The following EYS variants were observed in gnomAD, a reference collection of about 807,000 sequenced individuals.
EYS encodes the protein protein eyes shut homolog.
EYS carries 250 observed loss-of-function variants against 282.1 expected under a neutral mutation model. The ratio of observed to expected loss-of-function variants is 0.89; its 90% CI spans 0.80 to 0.98. The LOEUF is 0.98. Among genes scored for constraint, EYS ranks in the 50% least tolerant of loss-of-function variants. EYS has a pLI of 0.00. For synonymous variants in EYS, 1,355 were observed against 1,282.9 expected (o/e 1.06, Z -1.20); for missense variants, 4,016 against 3,709.0 (o/e 1.08, Z -2.15).
At chr6:64,219,676 C>T (rs1038065323) in intron 31 of EYS, among the ~76,000 whole-genome samples, 4 of 152,174 alleles carry the variant, frequency 2.6e-5, no homozygotes, top group African/African-American at 4.8e-5. Flanking sequence ...CCTATTTCTC[C>T]ATATCCTCTC....
intron 22 of EYS, among the ~76,000 whole-genome samples, chr6:64,759,012 G>A (rs949500796): frequency 6.6e-6 from 1 of 152,082 alleles, no homozygotes; most frequent in Non-Finnish European, 1.5e-5. Flanking sequence ...GATGGCGGGC[G>A]CCTGTAGTCC....
chr6:64,513,965 A>C (rs1284235298), intron 26 of EYS, among the ~76,000 whole-genome samples: 3 of 151,862 alleles, frequency 2.0e-5, no homozygotes, highest in African/African-American at 7.2e-5. Context: ...TCTTACAAGA[A>C]AGTGTAGCAT....
chr6:65,369,233 T>TAC (rs1181473446), intron 8 of EYS, among the ~76,000 whole-genome samples: 28 of 146,020 alleles, frequency 1.9e-4, no homozygotes, highest in African/African-American at 5.2e-4. Context: ...TATATATATA[T>TAC]ATACACATTT....
chr6:65,077,402 G>A (rs1004427464), intron 12 of EYS, among the ~76,000 whole-genome samples: 3 of 152,066 alleles, frequency 2.0e-5, no homozygotes, highest in Non-Finnish European at 4.4e-5. Context: ...TTAACACTAT[G>A]ATTCAATAAG....
intron 22 of EYS, among the ~76,000 whole-genome samples, chr6:64,794,634 T>C (rs1774298583): frequency 6.6e-6 from 1 of 152,222 alleles, no homozygotes; most frequent in South Asian, 2.1e-4. Flanking sequence ...GTCTTCATAG[T>C]AGTATGAGAA....
intron 24 of EYS, among the ~76,000 whole-genome samples, chr6:64,593,633 T>TA (rs369866512): frequency 6.6e-6 from 1 of 152,102 alleles, no homozygotes; most frequent in South Asian, 2.1e-4. Flanking sequence ...AATGTGGATA[T>TA]AAAAAAGAAG....
intron 15 of EYS, among the ~76,000 whole-genome samples, chr6:64,938,037 A>G (rs1218999800): frequency 1.3e-5 from 2 of 151,672 alleles, no homozygotes; most frequent in African/African-American, 4.8e-5. Context: ...CATATATTGC[A>G]TGATTCCATT....
Position 64,562,803 on chromosome 6 carries a change from A to C in EYS, c.5644+27420T>G, listed in dbSNP as rs551821280. Reference sequence around the variant, plus strand: ...TAACACAATTTTTAGTATATAATTCACATTCTTTCATTTAAAACAATACTT... The same window carrying C: ...TAACACAATTTTTAGTATATAATTCCCATTCTTTCATTTAAAACAATACTT... On this transcript the variant is annotated intron_variant, in intron 26 of 42. Coordinates refer to ENST00000503581, the MANE Select transcript of EYS (RefSeq NM_001142800.2). 2.4e-4 allele frequency among the ~76,000 whole-genome samples: 37 copies of C among 151,924 alleles called. 1 individual carries two copies. Among genetic ancestry groups the C allele is most frequent in the Admixed American group, 1.4e-3 (21 of 15,246 alleles).
chr6:64,665,091 T>C (rs1769183120), intron 22 of EYS, among the ~76,000 whole-genome samples: 1 of 152,352 alleles, frequency 6.6e-6, no homozygotes, highest in South Asian at 2.1e-4. Flanking sequence ...ACAACTGTGA[T>C]ACAAATAATA....
At chr6:64,231,594 AC>A (rs1766427443) in intron 30 of EYS, among the ~76,000 whole-genome samples, 1 of 152,116 alleles carries the variant, frequency 6.6e-6, no homozygotes, top group Non-Finnish European at 1.5e-5. Flanking sequence ...TCTAAATTTC[AC>A]CTACAGTGCT....
intron 36 of EYS, among the ~76,000 whole-genome samples, chr6:63,813,138 C>G (rs774569653): frequency 6.6e-6 from 1 of 152,070 alleles, no homozygotes; most frequent in Admixed American, 6.5e-5. Context: ...GCCACCATGC[C>G]TGGCTAACTT....
chr6:63,816,981 A>C (rs1009027417), intron 36 of EYS, among the ~76,000 whole-genome samples: 1 of 152,122 alleles, frequency 6.6e-6, no homozygotes, highest in East Asian at 1.9e-4. Context: ...CTTTTATTGC[A>C]TTTTGTTCCA....
At chr6:64,687,356 A>G (rs1283736475) in intron 22 of EYS, among the ~76,000 whole-genome samples, 1 of 152,216 alleles carries the variant, frequency 6.6e-6, no homozygotes, top group African/African-American at 2.4e-5. Flanking sequence ...GATGCATTGG[A>G]AGAATGCATG....
chr6:65,244,087 G>A (rs1767120490), intron 12 of EYS, among the ~76,000 whole-genome samples: 1 of 152,182 alleles, frequency 6.6e-6, no homozygotes, highest in Non-Finnish European at 1.5e-5. Context: ...AATGGTTAGA[G>A]TTGAAATATA....
At chr6:65,009,955 C>A (rs1032687631) in intron 13 of EYS, among the ~76,000 whole-genome samples, 1 of 152,130 alleles carries the variant, frequency 6.6e-6, no homozygotes, top group African/African-American at 2.4e-5. Context: ...CTAGGTATGG[C>A]AAAATAGCCA....
chr6:64,853,842 T>C (rs928068427), intron 19 of EYS, among the ~76,000 whole-genome samples: 1 of 151,924 alleles, frequency 6.6e-6, no homozygotes, highest in African/African-American at 2.4e-5. Context: ...ATTTTTGCAA[T>C]CTACTCATCT....
chr6:64,380,372 T>G (rs1772703935), intron 29 of EYS, among the ~76,000 whole-genome samples: 1 of 152,208 alleles, frequency 6.6e-6, no homozygotes, highest in African/African-American at 2.4e-5. Flanking sequence ...TCATCACTTT[T>G]CAAACTCAGT....
At chr6:64,722,206 C>T (rs558989057) in intron 22 of EYS, among the ~76,000 whole-genome samples, 37 of 152,120 alleles carry the variant, frequency 2.4e-4, no homozygotes, top group African/African-American at 8.7e-4. Context: ...GTATATATTA[C>T]GGTTGTCAGT....
At chr6:64,507,655 C>G (rs1200858174) in intron 26 of EYS, among the ~76,000 whole-genome samples, 1 of 152,060 alleles carries the variant, frequency 6.6e-6, no homozygotes, top group Non-Finnish European at 1.5e-5. Context: ...TAGAACTAAA[C>G]AATTTTAAAG....
Sources: gnomAD v4.1 joint callset for allele counts (sites outside exome capture counted in the v4.1 genomes callset) on GRCh38, gnomAD v4.1.1 for gene constraint, MANE v1.5 for transcripts, NCBI Gene and HGNC (gene_info 2026-07-23, HGNC 2026-07-21) for gene names.